STAG1: variants seen among roughly 807,000 people sequenced by gnomAD.
STAG1 encodes the protein cohesin subunit SA-1.
A neutral mutation model predicts 170.9 loss-of-function variants in STAG1; 26 were observed. The ratio of observed to expected loss-of-function variants is 0.15; its 90% CI spans 0.11 to 0.21. The LOEUF (loss-of-function observed/expected upper bound fraction) is 0.21, where lower values mean the gene tolerates loss of function less well. Among genes scored for constraint, STAG1 ranks in the 10% least tolerant of loss-of-function variants. STAG1 has a pLI of 1.00. For synonymous variants in STAG1, 514 were observed against 497.7 expected, an observed-to-expected ratio of 1.03 and a Z score of -0.44; for missense variants, 964 against 1,509.5, an observed-to-expected ratio of 0.64 and a Z score of 5.99.
At position 136,405,733 on chromosome 3, in the gene STAG1, G is replaced by A. The variant is rs1479659534; in HGVS notation, c.2197-6904C>T. On this transcript the variant is annotated intron_variant, in intron 21 of 33. Transcript: ENST00000383202. Reference sequence around the variant, plus strand: ...TAGCTGGGTGTGGTGGCAGGTGTCTGTAATCCCAGATTGTGCCACTGCGCT... The same window carrying A: ...TAGCTGGGTGTGGTGGCAGGTGTCTATAATCCCAGATTGTGCCACTGCGCT... 1.1e-4 allele frequency among the ~76,000 whole-genome samples: 13 copies of A among 120,924 alleles called. No homozygotes were observed. In the Admixed American group the frequency reaches 1.5e-3, roughly 14 times the overall value. 79.3% of individuals were successfully genotyped at this position (120,924 alleles called of 152,430 possible).
Position 136,433,662 on chromosome 3 carries a change from A to G in STAG1, c.1547-3T>C. Reference sequence around the variant, plus strand: ...ACTCTCTTGACGATCAGACATTGCTAAGGTAAAACAAAATACATGAGCATG... The same window carrying G: ...ACTCTCTTGACGATCAGACATTGCTGAGGTAAAACAAAATACATGAGCATG... On this transcript the variant is annotated splice_region_variant and splice_polypyrimidine_tract_variant and intron_variant, in intron 15 of 33. Coordinates refer to ENST00000383202, the MANE Select transcript of STAG1 (RefSeq NM_005862.3). 1 of 1,600,832 alleles carries G rather than the reference A, an allele frequency of 6.2e-7. No homozygotes were observed. Among genetic ancestry groups the G allele is most frequent in the South Asian group, 1.1e-5 (1 of 90,080 alleles).
rs183638200 is a variant in STAG1, at chr3:136,503,173, A to T, written c.677-394T>A. On this transcript the variant is annotated intron_variant, in intron 7 of 33. Coordinates refer to ENST00000383202, the MANE Select transcript of STAG1 (RefSeq NM_005862.3). ...AATGCATCCTTAGTACCTTTACTTA[A>T]ATGTGTCAAAGGTACCTTAGATGTT... is the stretch of plus-strand genomic sequence containing the variant. Among the ~76,000 whole-genome samples, 5 of 152,014 alleles carry T rather than the reference A, an allele frequency of 3.3e-5. No homozygotes were observed. The East Asian group carries it at 9.7e-4, about 29-fold the overall frequency.
intron 22 of STAG1, among the ~76,000 whole-genome samples, chr3:136,379,434 T>A (rs915366747): frequency 6.6e-6 from 1 of 152,058 alleles, no homozygotes; most frequent in African/African-American, 2.4e-5. Flanking sequence ...GGTGGCTGGG[T>A]GCGGTGGCTC....
At chr3:136,503,225 C>T (rs1320993889) in intron 7 of STAG1, among the ~76,000 whole-genome samples, 1 of 152,142 alleles carries the variant, frequency 6.6e-6, no homozygotes, top group African/African-American at 2.4e-5. Flanking sequence ...AATTTGTGAT[C>T]TTTACCCCCA....
chr3:136,724,019 G>A (rs1933503057), intron 1 of STAG1, among the ~76,000 whole-genome samples: 2 of 151,264 alleles, frequency 1.3e-5, no homozygotes, highest in South Asian at 2.1e-4. Context: ...CCCCGTCCGG[G>A]AGGTGAGGGG....
intron 28 of STAG1, 106 bp downstream of exon 28, chr3:136,357,614 A>G: frequency 1.2e-6 from 1 of 863,660 alleles, no homozygotes; most frequent in Non-Finnish European, 1.7e-6. Flanking sequence ...ATCAGAGCCT[A>G]AATTATCAAG....
rs1363609131 is a variant in STAG1, at chr3:136,509,388, T to TG, written c.677-6610dup. Among the ~76,000 whole-genome samples the TG allele has an allele frequency of 2.0e-4, 30 of 147,206 alleles. No individual in the cohort carries two copies. The South Asian group carries it at 4.0e-3, about 20-fold the overall frequency. On this transcript the variant is annotated intron_variant, in intron 7 of 33. Transcript: ENST00000383202. ...TGCTAGGCAGCATTAAAGGACCACT[T>TG]GGAAAAAAAAAAAAAAAAAAGTAAA...
intron 22 of STAG1, among the ~76,000 whole-genome samples, chr3:136,397,855 A>C (rs948589496): frequency 6.6e-6 from 1 of 152,160 alleles, no homozygotes; most frequent in Non-Finnish European, 1.5e-5. Flanking sequence ...AAATTCAAAA[A>C]AAAAAAATTT....
At chr3:136,616,967 T>C (rs534324961) in intron 3 of STAG1, among the ~76,000 whole-genome samples, 6 of 152,314 alleles carry the variant, frequency 3.9e-5, no homozygotes, top group African/African-American at 1.4e-4. Context: ...ACCCATATAT[T>C]TTGCTGTGTG....
At chr3:136,496,305 T>G (rs1933087563) in intron 9 of STAG1, among the ~76,000 whole-genome samples, 1 of 152,198 alleles carries the variant, frequency 6.6e-6, no homozygotes, top group Non-Finnish European at 1.5e-5. Context: ...TATAAGACGC[T>G]AGCCAACAAA....
chr3:136,562,219 C>G (rs1936873502), intron 5 of STAG1, among the ~76,000 whole-genome samples: 1 of 152,040 alleles, frequency 6.6e-6, no homozygotes, highest in African/African-American at 2.4e-5. Flanking sequence ...AGCCACCTGT[C>G]ACATTTCTTC....
At chr3:136,588,713 C>A (rs187382976) in intron 4 of STAG1, among the ~76,000 whole-genome samples, 1 of 151,990 alleles carries the variant, frequency 6.6e-6, no homozygotes, top group Non-Finnish European at 1.5e-5. Context: ...CCACAACCTC[C>A]GCCTCCCGGG....
At chr3:136,655,103 C>T (rs1027055626) in intron 1 of STAG1, among the ~76,000 whole-genome samples, 2 of 152,130 alleles carry the variant, frequency 1.3e-5, no homozygotes, top group African/African-American at 2.4e-5. Context: ...AGAACAACAT[C>T]GGCACAGACA....
chr3:136,729,579 T>A (rs1368103357), intron 1 of STAG1, among the ~76,000 whole-genome samples: 9 of 133,184 alleles, frequency 6.8e-5, no homozygotes, highest in African/African-American at 2.4e-4. Flanking sequence ...CCTTTTTTTT[T>A]TTTTTTTTTT....
At chr3:136,612,523 C>T (rs1450657268) in intron 3 of STAG1, among the ~76,000 whole-genome samples, 1 of 151,536 alleles carries the variant, frequency 6.6e-6, no homozygotes, top group Non-Finnish European at 1.5e-5. Flanking sequence ...ATAAAAAAAA[C>T]AAAAAACAAG....
At chr3:136,399,857 A>G (rs2087267748) in intron 21 of STAG1, among the ~76,000 whole-genome samples, 1 of 152,210 alleles carries the variant, frequency 6.6e-6, no homozygotes, top group Non-Finnish European at 1.5e-5. Context: ...AAATGTTTAT[A>G]AAATACTTAT....
chr3:136,417,083 G>A (rs1298101255), intron 21 of STAG1, among the ~76,000 whole-genome samples: 4 of 151,992 alleles, frequency 2.6e-5, no homozygotes, highest in Non-Finnish European at 5.9e-5. Flanking sequence ...CTGACCTCAG[G>A]TGATCCACCC....
intron 1 of STAG1, among the ~76,000 whole-genome samples, chr3:136,659,042 G>C (rs1425594053): frequency 6.6e-6 from 1 of 152,024 alleles, no homozygotes; most frequent in Non-Finnish European, 1.5e-5. Flanking sequence ...CGCTATTCCT[G>C]GTTTTACCAC....
At chr3:136,418,360 CAAAAAAAAAAAAAAAAAAAAAAAAAAAA>C (rs767401141) in intron 20 of STAG1, among the ~76,000 whole-genome samples, 2 of 49,746 alleles carry the variant, frequency 4.0e-5, no homozygotes, top group African/African-American at 2.2e-4. Flanking sequence ...ACTCTGTCTC[CAAAAAAAAAAAAAAAAAAAAAAAAAAAA>C]AAAAAAAAAA....
Sources: gnomAD v4.1 joint callset for allele counts (sites outside exome capture counted in the v4.1 genomes callset) on GRCh38, gnomAD v4.1.1 for gene constraint, MANE v1.5 for transcripts, NCBI Gene and HGNC (gene_info 2026-07-23, HGNC 2026-07-21) for gene names.